The following QSER1 variants were observed in gnomAD, a reference collection of about 807,000 sequenced individuals.
QSER1 encodes the protein glutamine and serine rich 1.
Under a neutral mutation model 158.5 loss-of-function variants are expected in QSER1, and 49 were observed. The ratio of observed to expected loss-of-function variants is 0.31; its 90% CI spans 0.25 to 0.39. The LOEUF (loss-of-function observed/expected upper bound fraction) is 0.39. Among genes scored for constraint, QSER1 ranks in the 10% least tolerant of loss-of-function variants. The probability of loss-of-function intolerance (pLI) is 1.00; values close to 1 mark genes in which losing one functional copy is unlikely to be tolerated. For synonymous variants in QSER1, 650 were observed against 715.5 expected, an observed-to-expected ratio of 0.91 and a Z score of 1.46; for missense variants, 1,754 against 2,010.3, an observed-to-expected ratio of 0.87 and a Z score of 2.44.
chr11:32,953,071 G>A (rs1852451104), intron 4 of QSER1, among the ~76,000 whole-genome samples: 2 of 151,934 alleles, frequency 1.3e-5, no homozygotes. Context: ...AAAGTGCTGG[G>A]ATTACAGGTG....
At chr11:32,916,595 G>A (rs1468978253) in intron 1 of QSER1, among the ~76,000 whole-genome samples, 5 of 152,164 alleles carry the variant, frequency 3.3e-5, no homozygotes, top group African/African-American at 9.7e-5. Context: ...GGTATGATCT[G>A]TCAATCCTAG....
At position 32,932,104 on chromosome 11, in the gene QSER1, T is replaced by C; in HGVS notation, c.846T>C (p.Pro282=). ...HLLQPQFSLL[P]SALGGSQQTP... ...TACAACCTCAATTTAGTTTGTTGCC[T>C]TCAGCACTTGGGGGATCCCAGCAGA... Residue 282 remains proline (P), a synonymous_variant, in exon 4 of 13, where the codon CCT becomes CCC. Transcript: ENST00000650167. The C allele has an allele frequency of 6.2e-7, 1 of 1,614,176 alleles. No homozygotes were observed. Among genetic ancestry groups the C allele is most frequent in the East Asian group, 2.2e-5 (1 of 44,882 alleles).
chr11:32,974,511 AG>A (rs1852936030), intron 11 of QSER1, among the ~76,000 whole-genome samples: 1 of 152,216 alleles, frequency 6.6e-6, no homozygotes, highest in Admixed American at 6.5e-5. Context: ...ATTGTTTGTA[AG>A]AGCAATCCAA....
At chr11:32,944,590 G>C (rs1046741648) in intron 4 of QSER1, among the ~76,000 whole-genome samples, 13 of 151,296 alleles carry the variant, frequency 8.6e-5, no homozygotes, top group African/African-American at 2.9e-4. Context: ...ATTGCACTGT[G>C]GTCTGAGAGA....
chr11:32,933,925 T>A lies in QSER1; in HGVS notation c.2667T>A (p.Pro889=). ...ASLQAQRVQS[P]QQIVHPFLQM... is the part of the protein sequence containing the mutation. ...TACAAGCACAGCGTGTTCAAAGCCC[T>A]CAACAAATAGTACATCCCTTCCTTC... Residue 889 remains proline (P), a synonymous_variant, in exon 4 of 13, where the codon CCT becomes CCA. Coordinates refer to ENST00000650167, the MANE Select transcript of QSER1 (RefSeq NM_001076786.3). 6.2e-7 allele frequency: 1 copy of A among 1,613,984 alleles called. No homozygotes were observed. The highest frequency in any genetic ancestry group is 8.5e-7 in the Non-Finnish European group (1 of 1,179,952).
At chr11:32,944,805 C>T (rs1358730470) in intron 4 of QSER1, among the ~76,000 whole-genome samples, 2 of 142,996 alleles carry the variant, frequency 1.4e-5, no homozygotes, top group Admixed American at 7.1e-5. Flanking sequence ...GACTTTCTGT[C>T]TCGTTGATCT....
chr11:32,959,327 A>C (rs893224533), intron 8 of QSER1, among the ~76,000 whole-genome samples: 1 of 152,156 alleles, frequency 6.6e-6, no homozygotes, highest in East Asian at 1.9e-4. Flanking sequence ...GCTGGCCCCT[A>C]TTTTTCTAGA....
chr11:32,899,479 C>G (rs1198902774), intron 1 of QSER1, among the ~76,000 whole-genome samples: 1 of 152,108 alleles, frequency 6.6e-6, no homozygotes, highest in Non-Finnish European at 1.5e-5. Context: ...TTCTTTTATT[C>G]ATTAAACAAA....
chr11:32,975,143 C>A, intron 11 of QSER1, 105 bp from the exon 12 acceptor site: 2 of 686,214 alleles, frequency 2.9e-6, no homozygotes, highest in Non-Finnish European at 4.7e-6. Flanking sequence ...CCATATATGT[C>A]ATTTTCAACA....
chr11:32,893,776 G>T lies in QSER1; in HGVS notation c.209+442G>T, dbSNP rs1417130465. Among the ~76,000 whole-genome samples the T allele has an allele frequency of 6.6e-6, 1 of 152,184 alleles. No individual in the cohort carries two copies. The highest frequency in any genetic ancestry group is 2.4e-5 in the African/African-American group (1 of 41,446). ...TTGGGGACTCCGGCGTGTGAGGGTT[G>T]CGGAGGCGGGAGAGGAAGAGTCGCG... On this transcript the variant is annotated intron_variant, in intron 1 of 12. Coordinates refer to ENST00000650167, the MANE Select transcript of QSER1 (RefSeq NM_001076786.3). The surrounding 1 kb of genome is among the most constrained non-coding windows in gnomAD (Gnocchi z 4.7).
intron 4 of QSER1, among the ~76,000 whole-genome samples, chr11:32,943,872 T>C (rs900883338): frequency 9.2e-5 from 14 of 152,004 alleles, no homozygotes; most frequent in African/African-American, 3.1e-4. Context: ...TCCTGGACTC[T>C]TTTTGGTTGG....
At chr11:32,972,427 T>G (rs1852882076) in intron 10 of QSER1, among the ~76,000 whole-genome samples, 1 of 150,320 alleles carries the variant, frequency 6.7e-6, no homozygotes. Context: ...ATTTATTTAT[T>G]TATTTATTTA....
At chr11:32,973,668 C>G in intron 11 of QSER1, 119 bp downstream of exon 11, 1 of 989,132 alleles carries the variant, frequency 1.0e-6, no homozygotes, top group African/African-American at 1.6e-5. Flanking sequence ...GAAGGTTTTT[C>G]AGGTAGGAAT....
rs561705925 is a variant in QSER1 at position 32,966,961 on chromosome 11, C to G, written c.5107+524C>G. On this transcript the variant is annotated intron_variant, in intron 9 of 12. Coordinates refer to ENST00000650167, the MANE Select transcript of QSER1 (RefSeq NM_001076786.3). ...GAAATCTCCATACTGTTTTCCATAG[C>G]AGTTGCACTAATTTACATTCTCACC... Among the ~76,000 whole-genome samples, 210 of 152,256 alleles carry G rather than the reference C, an allele frequency of 1.4e-3. 1 individual carries two copies. The highest frequency in any genetic ancestry group is 4.9e-3 in the African/African-American group (204 of 41,552).
chr11:32,934,352 T>G lies in QSER1; in HGVS notation c.3094T>G (p.Phe1032Val), dbSNP rs778284918. 18 of 1,613,818 alleles carry G rather than the reference T, an allele frequency of 1.1e-5. No homozygotes were observed. In the African/African-American group the frequency reaches 1.3e-4, roughly 12 times the overall value. Residue 1032 changes from phenylalanine to valine, a missense_variant, in exon 4 of 13, where the codon TTT (phenylalanine) becomes GTT (valine). By Grantham distance (50) the Phe-to-Val change is conservative. Around this residue, in one of 2 missense-constraint regions of QSER1, gnomAD observed 1,707 missense variants for 1,919.6 expected, o/e 0.89. Coordinates refer to ENST00000650167, the MANE Select transcript of QSER1 (RefSeq NM_001076786.3). ...SLDVRHVTSDFNSMTATVGKP... is the reference protein window; with the variant it reads ...SLDVRHVTSDVNSMTATVGKP... Reference sequence around the variant, plus strand: ...AGATGTCAGGCATGTGACTTCAGATTTTAACTCTATGACAGCTACAGTAGG... The same window carrying G: ...AGATGTCAGGCATGTGACTTCAGATGTTAACTCTATGACAGCTACAGTAGG...
chr11:32,892,999 AG>A lies in QSER1; in HGVS notation c.-122del, dbSNP rs1322842287. Among the ~76,000 whole-genome samples, 1 of 144,196 alleles carries A rather than the reference AG, an allele frequency of 6.9e-6. No individual in the cohort carries two copies. 94.6% of individuals were successfully genotyped at this position (144,196 alleles called of 152,430 possible). On this transcript the variant is annotated 5_prime_UTR_variant, in exon 1 of 13. Transcript: ENST00000650167. ...CCCGCCTGCTCGCCGGGGCCATGTG[AG>A]GGGGCAGCTCCCTCCACCGCCGCCG...
At chr11:32,936,293 T>G (rs1852152777) in intron 4 of QSER1, among the ~76,000 whole-genome samples, 1 of 151,814 alleles carries the variant, frequency 6.6e-6, no homozygotes, top group Non-Finnish European at 1.5e-5. Context: ...GGTGTTTGGT[T>G]TTTTGTCCTT....
chr11:32,975,425 A>AAG, intron 12 of QSER1, 82 bp downstream of exon 12: 1 of 1,575,826 alleles, frequency 6.3e-7, no homozygotes, highest in Non-Finnish European at 8.6e-7. Flanking sequence ...GAGTGTTTTA[A>AAG]AGAGAGTTGT....
chr11:32,969,161 CTTA>C lies in QSER1; in HGVS notation c.5205+22_5205+24del, dbSNP rs775403004. ...CATTCAAGGTATTTCCTTCTGATGA[CTTA>C]TTAGCAAAACTCAATGGCAGTCATA... On this transcript the variant is annotated intron_variant, in intron 10 of 12. Coordinates refer to ENST00000650167, the MANE Select transcript of QSER1 (RefSeq NM_001076786.3). 39 of 1,430,146 alleles carry C rather than the reference CTTA, an allele frequency of 2.7e-5. No homozygotes were observed. The highest frequency in any genetic ancestry group is 3.8e-5 in the Non-Finnish European group (39 of 1,027,092). 88.6% of individuals were successfully genotyped at this position (1,430,146 alleles called of 1,614,324 possible).
Sources: allele counts gnomAD v4.1 joint callset (sites outside exome capture counted in the v4.1 genomes callset), GRCh38; gene constraint gnomAD v4.1.1; regional missense constraint gnomAD v4.1.1; non-coding constraint Gnocchi (gnomAD v3.1); transcripts MANE v1.5; gene names NCBI Gene and HGNC (gene_info 2026-07-23, HGNC 2026-07-21).